RNF217: variants seen among roughly 807,000 people sequenced by gnomAD.
The protein encoded by RNF217 is E3 ubiquitin-protein ligase RNF217.
RNF217 carries 31 observed loss-of-function variants against 57.8 expected under a neutral mutation model. The ratio of observed to expected loss-of-function variants is 0.54; its 90% CI spans 0.40 to 0.72. The LOEUF is 0.72. RNF217 is among the 30% of genes least tolerant of loss of function. The pLI is 0.00. For synonymous variants in RNF217, 313 were observed against 294.0 expected (o/e 1.06, Z -0.66); for missense variants, 696 against 708.3 (o/e 0.98, Z 0.20).
intron 1 of RNF217, among the ~76,000 whole-genome samples, chr6:125,027,039 G>C (rs948584479): frequency 6.6e-6 from 1 of 151,602 alleles, no homozygotes; most frequent in African/African-American, 2.4e-5. Context: ...GTACATAGTA[G>C]GTGTATATAT....
chr6:125,055,973 CT>C (rs1404098528), intron 2 of RNF217, among the ~76,000 whole-genome samples: 4 of 151,946 alleles, frequency 2.6e-5, no homozygotes, highest in Non-Finnish European at 5.9e-5. Context: ...GAGTAACATC[CT>C]TTTTTTCTTT....
At chr6:125,018,032 C>T (rs1308929352) in intron 1 of RNF217, among the ~76,000 whole-genome samples, 5 of 152,142 alleles carry the variant, frequency 3.3e-5, no homozygotes, top group African/African-American at 9.7e-5. Flanking sequence ...ATAAGTGTAA[C>T]AACTATCCAT....
chr6:125,079,648 C>T (rs185790612), intron 4 of RNF217, among the ~76,000 whole-genome samples: 1 of 152,198 alleles, frequency 6.6e-6, no homozygotes, highest in East Asian at 1.9e-4. Context: ...TAATATTGGA[C>T]TTTCATACTT....
chr6:125,072,364 T>A (rs1472849605), intron 3 of RNF217, among the ~76,000 whole-genome samples: 1 of 152,178 alleles, frequency 6.6e-6, no homozygotes, highest in African/African-American at 2.4e-5. Context: ...CAAATTAATC[T>A]ATAGAGCCAT....
chr6:124,965,482 A>C (rs1287134403), intron 1 of RNF217, among the ~76,000 whole-genome samples: 3 of 152,304 alleles, frequency 2.0e-5, no homozygotes, highest in East Asian at 1.9e-4. Context: ...CTGAGGCAGA[A>C]GAATCACTTG....
chr6:125,030,058 G>T (rs143667379), intron 1 of RNF217, among the ~76,000 whole-genome samples: 2 of 152,292 alleles, frequency 1.3e-5, no homozygotes, highest in East Asian at 1.9e-4. Flanking sequence ...TTACATGGCA[G>T]CAGCAAGAGA....
At chr6:124,999,074 C>G (rs1465220312) in intron 1 of RNF217, among the ~76,000 whole-genome samples, 1 of 152,146 alleles carries the variant, frequency 6.6e-6, no homozygotes, top group African/African-American at 2.4e-5. Context: ...TAAAACACAA[C>G]TTCTTTCTTA....
chr6:125,031,557 G>A (rs149631358), intron 1 of RNF217, among the ~76,000 whole-genome samples: 71 of 152,122 alleles, frequency 4.7e-4, no homozygotes, highest in African/African-American at 1.7e-3. Flanking sequence ...TCTAGGGCAG[G>A]GGCAAAAAGC....
chr6:125,090,919 A>G lies in RNF217; in HGVS notation c.*7982A>G, dbSNP rs1788923090. On this transcript the variant is annotated 3_prime_UTR_variant, in exon 6 of 6. Coordinates refer to ENST00000521654, the MANE Select transcript of RNF217 (RefSeq NM_001286398.3). ...ATGTGGAAGAAATCATTCTGATTAT[A>G]TTTTATGAAAGAGAGGGGTAGAGTA... 6.6e-6 allele frequency: 1 copy of G among 152,028 alleles called. No individual in the cohort carries two copies. The highest frequency in any genetic ancestry group is 6.5e-5 in the Admixed American group (1 of 15,270). The allele number at this position is 152,028 out of a possible 1,614,324, so 9.4% of individuals were successfully genotyped here.
Position 125,090,389 on chromosome 6 carries a change from TG to T in RNF217, c.*7453del, listed in dbSNP as rs1246509175. The T allele has an allele frequency of 6.6e-6, 1 of 152,022 alleles. No homozygotes were observed. The highest frequency in any genetic ancestry group is 6.6e-5 in the Admixed American group (1 of 15,258). 9.4% of individuals were successfully genotyped at this position (152,022 alleles called of 1,614,324 possible). On this transcript the variant is annotated 3_prime_UTR_variant, in exon 6 of 6. Transcript: ENST00000521654. ...GTTTTGATTCTATTTTAAACAAAAT[TG>T]TAAGGCAATTTTATGAAACAAACAT...
intron 1 of RNF217, among the ~76,000 whole-genome samples, chr6:125,018,890 G>T (rs1306935526): frequency 6.6e-6 from 1 of 152,120 alleles, no homozygotes; most frequent in African/African-American, 2.4e-5. Context: ...AATCTATGGA[G>T]AATCCATATA....
rs181150991 is a variant in RNF217, at chr6:125,085,288, A to G, written c.*2351A>G. ...GTCTGTTTTCAGTGATGGCTATTTCATCAGTGCTTGAAATAGTGTGCACTG... is the reference window on the plus strand; with the variant it reads ...GTCTGTTTTCAGTGATGGCTATTTCGTCAGTGCTTGAAATAGTGTGCACTG... On this transcript the variant is annotated 3_prime_UTR_variant, in exon 6 of 6. Coordinates refer to ENST00000521654, the MANE Select transcript of RNF217 (RefSeq NM_001286398.3). 13 of 151,978 alleles carry G rather than the reference A, an allele frequency of 8.6e-5. No homozygotes were observed. The highest frequency in any genetic ancestry group is 2.9e-4 in the African/African-American group (12 of 41,516). 9.4% of individuals were successfully genotyped at this position (151,978 alleles called of 1,614,324 possible). A position where few individuals can be genotyped will look rare whatever the true frequency, so the allele number is the denominator to read the frequency against.
intron 4 of RNF217, 82 bp from the exon 5 acceptor site, chr6:125,081,354 G>C (rs1430945906): frequency 1.0e-6 from 1 of 961,324 alleles, no homozygotes; most frequent in African/African-American, 1.6e-5. Flanking sequence ...AATATACACT[G>C]TGGTATTTAA....
At chr6:124,979,791 A>C (rs945574287) in intron 1 of RNF217, among the ~76,000 whole-genome samples, 1 of 152,208 alleles carries the variant, frequency 6.6e-6, no homozygotes, top group African/African-American at 2.4e-5. Context: ...TGTGTGGAGA[A>C]TGAATTGTGT....
chr6:124,994,378 G>T (rs1336970241), intron 1 of RNF217, among the ~76,000 whole-genome samples: 1 of 152,004 alleles, frequency 6.6e-6, no homozygotes, highest in Non-Finnish European at 1.5e-5. Flanking sequence ...CCTAAAGTGA[G>T]GACTTATTCT....
intron 1 of RNF217, among the ~76,000 whole-genome samples, chr6:124,972,180 G>C (rs898280006): frequency 6.6e-6 from 1 of 152,080 alleles, no homozygotes; most frequent in Non-Finnish European, 1.5e-5. Flanking sequence ...AGAAACCTGG[G>C]GGGTCATCAT....
chr6:125,067,438 G>T (rs1334702807), intron 3 of RNF217, among the ~76,000 whole-genome samples: 1 of 152,144 alleles, frequency 6.6e-6, no homozygotes, highest in Admixed American at 6.6e-5. Context: ...AACTAGGCCA[G>T]TTGTCAAAGG....
At position 125,083,143 on chromosome 6, in the gene RNF217, CT is replaced by C. The variant is rs1174691835; in HGVS notation, c.*210del. 2.3e-6 allele frequency: 1 copy of C among 437,124 alleles called. No individual in the cohort carries two copies. The highest frequency in any genetic ancestry group is 4.0e-6 in the Non-Finnish European group (1 of 249,522). The allele number at this position is 437,124 out of a possible 1,614,324, so 27.1% of individuals were successfully genotyped here. A position where few individuals can be genotyped will look rare whatever the true frequency, so the allele number is the denominator to read the frequency against. The stretch of plus-strand genomic sequence containing the variant: ...CCTTTCCCTAAACAAATTGCTGCTG[CT>C]TTTAAAAAATGGTCACTTTCATAAA... On this transcript the variant is annotated 3_prime_UTR_variant, in exon 6 of 6. Transcript: ENST00000521654.
rs527363411 is a variant in RNF217 at position 125,088,613 on chromosome 6, A to G, written c.*5676A>G. The G allele has an allele frequency of 3.9e-5, 6 of 152,272 alleles. No individual in the cohort carries two copies. The South Asian group carries it at 1.0e-3, about 26-fold the overall frequency. 9.4% of individuals were successfully genotyped at this position (152,272 alleles called of 1,614,324 possible). ...ATTATGCATGTTACAAACTATATAT[A>G]TCTTTTTGGCTAGAGAAGTGACTAT... On this transcript the variant is annotated 3_prime_UTR_variant, in exon 6 of 6. Transcript: ENST00000521654.
Sources: gnomAD v4.1 joint callset for allele counts (sites outside exome capture counted in the v4.1 genomes callset) on GRCh38, gnomAD v4.1.1 for gene constraint, MANE v1.5 for transcripts, NCBI Gene and HGNC (gene_info 2026-07-23, HGNC 2026-07-21) for gene names.